Variants in STK32B observed in about 807,000 individuals in gnomAD.
STK32B encodes the protein serine/threonine-protein kinase 32B.
A neutral mutation model predicts 52.6 loss-of-function variants in STK32B; 43 were observed. The ratio of observed to expected loss-of-function variants is 0.82; its 90% confidence interval spans 0.64 to 1.05. The LOEUF (loss-of-function observed/expected upper bound fraction) is 1.05, where lower values mean the gene tolerates loss of function less well. Ranked by LOEUF, STK32B falls within the 50% of genes least tolerant of loss-of-function variation. STK32B has a pLI of 0.00. For synonymous variants in STK32B, 238 were observed against 204.3 expected, an observed-to-expected ratio of 1.17 and a Z score of -1.41; for missense variants, 621 against 534.6, an observed-to-expected ratio of 1.16 and a Z score of -1.59.
chr4:5,480,182 ATCT>A (rs1364884392), intron 11 of STK32B, among the ~76,000 whole-genome samples: 1 of 152,196 alleles, frequency 6.6e-6, no homozygotes, highest in Admixed American at 6.5e-5. Flanking sequence ...GTCAGACATT[ATCT>A]TCTTTTCATT....
chr4:5,168,512 G>C, intron 3 of STK32B, 62 bp downstream of exon 3: 1 of 1,533,228 alleles, frequency 6.5e-7, no homozygotes, highest in Non-Finnish European at 8.8e-7. Context: ...ATGCAAATTC[G>C]CCTCTGCTAG....
chr4:5,290,144 T>C (rs974153763), intron 3 of STK32B, among the ~76,000 whole-genome samples: 1 of 152,134 alleles, frequency 6.6e-6, no homozygotes. Flanking sequence ...TAGTTTCCTG[T>C]TGAGGTGGAG....
chr4:5,024,429 C>T, the STK32B span, among the ~76,000 whole-genome samples: 1 of 152,212 alleles, frequency 6.6e-6, no homozygotes, highest in Admixed American at 6.5e-5. Flanking sequence ...CCAATGTCCA[C>T]AATCATGCAA....
At chr4:5,253,098 G>T (rs966384277) in intron 3 of STK32B, among the ~76,000 whole-genome samples, 17 of 151,984 alleles carry the variant, frequency 1.1e-4, no homozygotes, top group African/African-American at 4.1e-4. Context: ...ACAAAATTTG[G>T]CCTCAACTCT....
At position 5,051,772 on chromosome 4, in the gene STK32B, G is replaced by GCCCCCGGCC. The variant is rs1408850399; in HGVS notation, c.-84_-83insCCCCCCGGC. 6.6e-7 allele frequency: 1 copy of GCCCCCGGCC among 1,523,794 alleles called. No individual in the cohort carries two copies. The highest frequency in any genetic ancestry group is 1.4e-5 in the African/African-American group (1 of 71,584). 94.4% of individuals were successfully genotyped at this position (1,523,794 alleles called of 1,614,324 possible). On this transcript the variant is annotated 5_prime_UTR_variant, in exon 1 of 12. Coordinates refer to ENST00000282908, the MANE Select transcript of STK32B (RefSeq NM_018401.3). ...CGCGGCTACAACCCGGACTGGGCGC[G>GCCCCCGGCC]CCCCCGGCATCCCGCATCTCTGCGC...
intron 5 of STK32B, among the ~76,000 whole-genome samples, chr4:5,413,396 C>A (rs1045678410): frequency 1.3e-5 from 2 of 152,286 alleles, no homozygotes; most frequent in Admixed American, 6.5e-5. Flanking sequence ...GGCACCATTT[C>A]TCTGCTATAC....
chr4:5,263,875 T>C (rs941912535), intron 3 of STK32B, among the ~76,000 whole-genome samples: 4 of 152,240 alleles, frequency 2.6e-5, no homozygotes, highest in Admixed American at 1.3e-4. Flanking sequence ...TGCTTATTTC[T>C]ATCACCATAC....
chr4:5,051,249 T>C (rs935936530), upstream of STK32B, among the ~76,000 whole-genome samples: 1 of 152,140 alleles, frequency 6.6e-6, no homozygotes, highest in African/African-American at 2.4e-5. Context: ...GCTTTCTTAC[T>C]GCTGGGTTGT....
At chr4:5,330,724 A>G (rs555865542) in intron 3 of STK32B, among the ~76,000 whole-genome samples, 2 of 152,322 alleles carry the variant, frequency 1.3e-5, no homozygotes, top group Admixed American at 6.5e-5. Context: ...GAAACTGCCC[A>G]TTCCCTTAAG....
intron 7 of STK32B, among the ~76,000 whole-genome samples, chr4:5,451,285 G>A (rs2109131409): frequency 6.6e-6 from 1 of 152,294 alleles, no homozygotes; most frequent in Middle Eastern, 3.4e-3. Flanking sequence ...TGAATGGCTG[G>A]AAGGAATAAT....
At chr4:5,335,080 G>A (rs1195589912) in intron 4 of STK32B, among the ~76,000 whole-genome samples, 1 of 152,160 alleles carries the variant, frequency 6.6e-6, no homozygotes, top group African/African-American at 2.4e-5. Flanking sequence ...ACCTCTGGTA[G>A]AATTCGGCTG....
At chr4:5,424,497 A>C (rs2654506) in intron 6 of STK32B, among the ~76,000 whole-genome samples, 1 of 151,982 alleles carries the variant, frequency 6.6e-6, no homozygotes, top group Non-Finnish European at 1.5e-5. Flanking sequence ...TAAAAACCCC[A>C]AACTGAGCCA....
chr4:5,435,278 T>G (rs1713955597), intron 6 of STK32B, among the ~76,000 whole-genome samples: 1 of 152,222 alleles, frequency 6.6e-6, no homozygotes, highest in Non-Finnish European at 1.5e-5. Flanking sequence ...GTAACTGGTC[T>G]TTGGACCCTG....
intron 1 of STK32B, among the ~76,000 whole-genome samples, chr4:5,103,957 T>C (rs1473624029): frequency 1.3e-5 from 2 of 152,226 alleles, no homozygotes; most frequent in African/African-American, 2.4e-5. Context: ...TATTTTTTTC[T>C]AATAGGTTGA....
chr4:5,481,838 G>A (rs545408570), intron 11 of STK32B, among the ~76,000 whole-genome samples: 12 of 152,290 alleles, frequency 7.9e-5, no homozygotes, highest in African/African-American at 2.9e-4. Context: ...TTATTAAATA[G>A]GGAATCATTT....
intron 4 of STK32B, among the ~76,000 whole-genome samples, chr4:5,366,035 T>C (rs1734854866): frequency 6.6e-6 from 1 of 152,208 alleles, no homozygotes; most frequent in African/African-American, 2.4e-5. Flanking sequence ...TATTTATTTC[T>C]GTAGGATGCA....
chr4:5,241,950 C>A (rs1725061843), intron 3 of STK32B, among the ~76,000 whole-genome samples: 1 of 152,116 alleles, frequency 6.6e-6, no homozygotes, highest in Non-Finnish European at 1.5e-5. Flanking sequence ...TGTATATGTG[C>A]CACATTTTCT....
chr4:5,335,921 G>A (rs765908797), intron 4 of STK32B, among the ~76,000 whole-genome samples: 7 of 151,526 alleles, frequency 4.6e-5, no homozygotes, highest in Non-Finnish European at 1.0e-4. Context: ...TTTTGGAATA[G>A]GTGTGGTGTG....
intron 1 of STK32B, among the ~76,000 whole-genome samples, chr4:5,062,542 T>G (rs939718764): frequency 7.2e-5 from 11 of 152,172 alleles, no homozygotes; most frequent in African/African-American, 2.7e-4. Context: ...AGTCTTGCAC[T>G]GTCGCCCAGG....
Sources: allele counts gnomAD v4.1 joint callset (sites outside exome capture counted in the v4.1 genomes callset), GRCh38; gene constraint gnomAD v4.1.1; transcripts MANE v1.5; gene names NCBI Gene and HGNC (gene_info 2026-07-23, HGNC 2026-07-21).